Variants in GASK1A observed in about 807,000 individuals in gnomAD.
The protein encoded by GASK1A is Golgi-associated kinase 1A.
A neutral mutation model predicts 41.2 loss-of-function variants in GASK1A; 40 were observed. That is an observed-to-expected ratio of 0.97 (90% CI 0.75 to 1.27). GASK1A has a LOEUF of 1.27. GASK1A is among the 50% of genes most tolerant of loss of function. GASK1A has a pLI of 0.00. For missense variants in GASK1A, 678 were observed against 745.1 expected (o/e 0.91, Z 1.05); for synonymous variants, 316 against 307.1 (o/e 1.03, Z -0.30).
At chr3:42,994,975 C>T (rs964263386) in intron 1 of GASK1A, among the ~76,000 whole-genome samples, 1 of 152,184 alleles carries the variant, frequency 6.6e-6, no homozygotes, top group Non-Finnish European at 1.5e-5. Flanking sequence ...AATTGAACAC[C>T]TGAAATGTGA....
intron 2 of GASK1A, among the ~76,000 whole-genome samples, chr3:43,042,272 C>T (rs1434325036): frequency 6.7e-6 from 1 of 148,246 alleles, no homozygotes; most frequent in East Asian, 2.0e-4. Flanking sequence ...AGCTCAAGAC[C>T]AGCCTGGGCA....
chr3:43,033,814 A>T (rs1489518915), intron 2 of GASK1A, among the ~76,000 whole-genome samples: 3 of 152,254 alleles, frequency 2.0e-5, no homozygotes, highest in Admixed American at 6.5e-5. Context: ...AGGCATTATT[A>T]AAAAATTAAG....
intron 1 of GASK1A, among the ~76,000 whole-genome samples, chr3:42,991,430 C>T (rs1376066995): frequency 6.6e-6 from 1 of 152,192 alleles, no homozygotes; most frequent in Non-Finnish European, 1.5e-5. Context: ...ACATAAACCA[C>T]ATGCTTACAT....
intron 2 of GASK1A, among the ~76,000 whole-genome samples, chr3:43,036,201 C>T (rs928448029): frequency 3.9e-5 from 6 of 152,224 alleles, no homozygotes; most frequent in Non-Finnish European, 8.8e-5. Flanking sequence ...GTTATATGGG[C>T]AGACATGACT....
chr3:43,019,081 A>G (rs2089508617), intron 1 of GASK1A, among the ~76,000 whole-genome samples: 1 of 152,244 alleles, frequency 6.6e-6, no homozygotes, highest in Admixed American at 6.5e-5. Context: ...GGATTAAATT[A>G]TAAGTAAGGT....
At chr3:42,982,129 G>T (rs2089285572) in intron 1 of GASK1A, among the ~76,000 whole-genome samples, 1 of 152,180 alleles carries the variant, frequency 6.6e-6, no homozygotes, top group African/African-American at 2.4e-5. Context: ...GGAGTCAGGG[G>T]TCATTGCCAT....
chr3:43,055,753 C>G, intron 4 of GASK1A: 1 of 544,298 alleles, frequency 1.8e-6, no homozygotes, highest in Non-Finnish European at 3.3e-6. Flanking sequence ...CTCGTGCCTG[C>G]AGAATACTAG....
intron 2 of GASK1A, among the ~76,000 whole-genome samples, chr3:43,043,832 T>C (rs976289702): frequency 6.6e-6 from 1 of 152,166 alleles, no homozygotes; most frequent in African/African-American, 2.4e-5. Context: ...AAAAATCAAA[T>C]CTTGAAGGAA....
intron 3 of GASK1A, chr3:43,053,915 A>G: frequency 5.8e-6 from 3 of 514,632 alleles, no homozygotes; most frequent in Non-Finnish European, 3.6e-6. Context: ...AAGAGACTCC[A>G]GGGAACAACT....
chr3:43,031,189 G>A (rs752840452), intron 1 of GASK1A, among the ~76,000 whole-genome samples: 41 of 152,274 alleles, frequency 2.7e-4, no homozygotes, highest in Admixed American at 7.8e-4. Context: ...TGTCAGTCAC[G>A]TATCTGTTGA....
intron 2 of GASK1A, chr3:43,037,463 A>G (rs541205537): frequency 8.6e-6 from 6 of 694,272 alleles, no homozygotes; most frequent in East Asian, 5.1e-5. Context: ...CTTACTTTTT[A>G]TAGAGAGTGA....
intron 2 of GASK1A, among the ~76,000 whole-genome samples, chr3:43,050,879 T>C (rs1290082558): frequency 6.6e-6 from 1 of 152,176 alleles, no homozygotes; most frequent in Non-Finnish European, 1.5e-5. Flanking sequence ...AATTTCTATC[T>C]CATTATTCAT....
intron 2 of GASK1A, among the ~76,000 whole-genome samples, chr3:43,043,644 CTT>C (rs1453174694): frequency 6.6e-6 from 1 of 152,130 alleles, no homozygotes; most frequent in Admixed American, 6.5e-5. Flanking sequence ...GGTCAAATGA[CTT>C]GTGATATGTA....
rs1477523088 is a variant in GASK1A, at chr3:43,056,411, A to G, written c.*25A>G. 2 of 1,496,882 alleles carry G rather than the reference A, an allele frequency of 1.3e-6. No individual in the cohort carries two copies. Among genetic ancestry groups the G allele is most frequent in the African/African-American group, 2.8e-5 (2 of 71,422 alleles). The allele number at this position is 1,496,882 out of a possible 1,614,324, so 92.7% of individuals were successfully genotyped here. A position where few individuals can be genotyped will look rare whatever the true frequency, so the allele number is the denominator to read the frequency against. On this transcript the variant is annotated 3_prime_UTR_variant, in exon 5 of 5. Transcript: ENST00000430121. ...AGCCGCACACAGCCCTGAGTCAATG[A>G]GCATCCATCCTGATGGCCACATTTT...
At chr3:43,004,304 G>A (rs1250529136) in intron 1 of GASK1A, among the ~76,000 whole-genome samples, 4 of 152,230 alleles carry the variant, frequency 2.6e-5, no homozygotes, top group Non-Finnish European at 5.9e-5. Context: ...TGCTCAGAGC[G>A]AAGGCTAATG....
At chr3:42,983,416 CTAAG>C (rs2089291660) in intron 1 of GASK1A, among the ~76,000 whole-genome samples, 1 of 152,010 alleles carries the variant, frequency 6.6e-6, no homozygotes, top group Non-Finnish European at 1.5e-5. Flanking sequence ...GGACTCTTCT[CTAAG>C]TAAGGATCTA....
intron 2 of GASK1A, among the ~76,000 whole-genome samples, chr3:43,045,373 CCAAGACTCTTTTATATTATGACAGA>C (rs1336678031): frequency 6.6e-6 from 1 of 152,142 alleles, no homozygotes; most frequent in African/African-American, 2.4e-5. Flanking sequence ...TGGACATCTT[CCAAGACTCTTTTATATTATGACAGA>C]CAAGCCAGTC....
intron 3 of GASK1A, chr3:43,054,111 G>A (rs916449509): frequency 7.4e-5 from 21 of 283,058 alleles, no homozygotes; most frequent in African/African-American, 4.6e-4. Flanking sequence ...CTAGAGTCCA[G>A]GGTGGGAAGC....
chr3:42,983,091 A>G (rs2089290358), intron 1 of GASK1A, among the ~76,000 whole-genome samples: 1 of 151,986 alleles, frequency 6.6e-6, no homozygotes, highest in African/African-American at 2.4e-5. Context: ...GAATTGAGGG[A>G]TGTGGTGTGG....
Sources: allele counts gnomAD v4.1 joint callset (sites outside exome capture counted in the v4.1 genomes callset), GRCh38; gene constraint gnomAD v4.1.1; transcripts MANE v1.5; gene names NCBI Gene and HGNC (gene_info 2026-07-23, HGNC 2026-07-21).